The following WASF1 variants were observed in gnomAD, a reference collection of about 807,000 sequenced individuals.
The protein encoded by WASF1 is WASP family member 1, also known as actin-binding protein WASF1.
A neutral mutation model predicts 50.5 loss-of-function variants in WASF1; 7 were observed. That is an observed-to-expected ratio of 0.14 (90% CI 0.08 to 0.26). The LOEUF (loss-of-function observed/expected upper bound fraction) is 0.26. Among genes scored for constraint, WASF1 ranks in the 10% least tolerant of loss-of-function variants. WASF1 has a pLI of 1.00. For missense variants in WASF1, 470 were observed against 694.7 expected (o/e 0.68, Z 3.64); for synonymous variants, 205 against 244.0 (o/e 0.84, Z 1.49).
At chr6:110,105,603 A>T in intron 7 of WASF1, 24 bp from the exon 8 acceptor site, 1 of 1,605,698 alleles carries the variant, frequency 6.2e-7, no homozygotes, top group East Asian at 2.2e-5. Context: ...ATTGAAACAA[A>T]GTCAAATGCT....
intron 3 of WASF1, among the ~76,000 whole-genome samples, chr6:110,132,551 A>C (rs1774729448): frequency 1.3e-5 from 2 of 151,758 alleles, no homozygotes; most frequent in South Asian, 4.2e-4. Context: ...ATTTTATTTT[A>C]ATAAGTTTCT....
rs149849800 is a variant in WASF1, at chr6:110,135,225, C to T, written c.-28-7596G>A. Among the ~76,000 whole-genome samples the T allele has an allele frequency of 8.5e-3, 1,292 of 152,178 alleles. 9 individuals carry two copies. Among genetic ancestry groups the T allele is most frequent in the Admixed American group, 0.012 (184 of 15,298 alleles). On this transcript the variant is annotated intron_variant, in intron 3 of 10. Coordinates refer to ENST00000392589, the MANE Select transcript of WASF1 (RefSeq NM_003931.3). ...TTATTTGTGTATATTAATTTTGTATCCTGAAACTTTACTGAATTCATTTAT... is the reference window on the plus strand; with the variant it reads ...TTATTTGTGTATATTAATTTTGTATTCTGAAACTTTACTGAATTCATTTAT...
At chr6:110,152,778 G>A (rs1442183337) in intron 3 of WASF1, among the ~76,000 whole-genome samples, 3 of 152,216 alleles carry the variant, frequency 2.0e-5, no homozygotes, top group Non-Finnish European at 2.9e-5. Flanking sequence ...TCGTTAAGCA[G>A]TGATAGAAAA....
intron 5 of WASF1, among the ~76,000 whole-genome samples, chr6:110,111,330 T>G (rs1469570481): frequency 6.6e-6 from 1 of 152,138 alleles, no homozygotes; most frequent in Admixed American, 6.6e-5. Flanking sequence ...GAGGTGTAAT[T>G]AATGTATTGA....
chr6:110,145,988 G>T (rs1311170008), intron 3 of WASF1, among the ~76,000 whole-genome samples: 11 of 132,414 alleles, frequency 8.3e-5, no homozygotes, highest in Non-Finnish European at 1.6e-4. Context: ...GTTGTGGGGT[G>T]GGGGGAGGGG....
intron 4 of WASF1, among the ~76,000 whole-genome samples, chr6:110,124,195 C>CAG (rs1774264522): frequency 9.0e-6 from 1 of 110,946 alleles, no homozygotes; most frequent in African/African-American, 4.0e-5. Context: ...ATCAGCGTCT[C>CAG]TCTCTCTCTC....
intron 2 of WASF1, among the ~76,000 whole-genome samples, chr6:110,176,707 T>C (rs1220175350): frequency 1.3e-5 from 2 of 152,098 alleles, no homozygotes; most frequent in Non-Finnish European, 2.9e-5. Flanking sequence ...TTTATGACAA[T>C]AAGCTGCAGG....
At chr6:110,114,824 A>C (rs911609729) in intron 4 of WASF1, among the ~76,000 whole-genome samples, 18 of 151,868 alleles carry the variant, frequency 1.2e-4, no homozygotes, top group Middle Eastern at 6.8e-3. Flanking sequence ...TTGGCCAGGC[A>C]TGACAGTCTG....
intron 3 of WASF1, among the ~76,000 whole-genome samples, chr6:110,128,214 T>A (rs2114518194): frequency 6.6e-6 from 1 of 152,296 alleles, no homozygotes; most frequent in South Asian, 2.1e-4. Context: ...TACTAGAATA[T>A]CAACATTATA....
intron 3 of WASF1, among the ~76,000 whole-genome samples, chr6:110,127,993 C>CT (rs1186413773): frequency 6.6e-6 from 1 of 151,920 alleles, no homozygotes; most frequent in Admixed American, 6.6e-5. Context: ...TTAAACAACA[C>CT]TTTATGTTCT....
intron 7 of WASF1, 70 bp from the exon 8 acceptor site, chr6:110,105,649 C>T: frequency 7.1e-7 from 1 of 1,417,248 alleles, no homozygotes; most frequent in Non-Finnish European, 9.7e-7. Flanking sequence ...TTATAACAAT[C>T]AAATTAAACT....
intron 2 of WASF1, among the ~76,000 whole-genome samples, chr6:110,178,052 T>C (rs1777010192): frequency 6.6e-6 from 1 of 150,756 alleles, no homozygotes; most frequent in South Asian, 2.1e-4. Context: ...AAACAAGTAA[T>C]TAAATACATG....
intron 3 of WASF1, among the ~76,000 whole-genome samples, chr6:110,159,548 T>C (rs1317564020): frequency 2.0e-5 from 3 of 151,886 alleles, no homozygotes; most frequent in Non-Finnish European, 2.9e-5. Context: ...ACGGTACCTG[T>C]TGGAGCCTAA....
At chr6:110,114,508 T>C (rs1312991341) in intron 4 of WASF1, among the ~76,000 whole-genome samples, 1 of 152,170 alleles carries the variant, frequency 6.6e-6, no homozygotes, top group African/African-American at 2.4e-5. Flanking sequence ...TTTAATCTTG[T>C]ATCAAAATGC....
chr6:110,173,933 T>G (rs1186638823), intron 2 of WASF1, among the ~76,000 whole-genome samples: 2 of 152,196 alleles, frequency 1.3e-5, no homozygotes, highest in Non-Finnish European at 2.9e-5. Flanking sequence ...GAATTGTGAT[T>G]GGTATCTCTG....
chr6:110,102,552 A>C (rs1276867313), intron 9 of WASF1, among the ~76,000 whole-genome samples: 1 of 152,190 alleles, frequency 6.6e-6, no homozygotes, highest in East Asian at 1.9e-4. Flanking sequence ...ATGACTCAAC[A>C]TTGATCATAA....
chr6:110,177,723 C>T (rs1398951058), intron 2 of WASF1, among the ~76,000 whole-genome samples: 1 of 152,014 alleles, frequency 6.6e-6, no homozygotes, highest in Non-Finnish European at 1.5e-5. Context: ...TTCCAAGTGC[C>T]ATAAAACAAT....
chr6:110,133,728 ATT>A (rs138543351), intron 3 of WASF1, among the ~76,000 whole-genome samples: 1 of 150,064 alleles, frequency 6.7e-6, no homozygotes, highest in Non-Finnish European at 1.5e-5. Flanking sequence ...TTCTGATGGG[ATT>A]TTTTTTTCTG....
At chr6:110,168,126 C>A (rs749952079) in intron 2 of WASF1, among the ~76,000 whole-genome samples, 1 of 151,892 alleles carries the variant, frequency 6.6e-6, no homozygotes, top group Non-Finnish European at 1.5e-5. Flanking sequence ...ACTATTTTCA[C>A]CACACTTTCT....
Sources: gnomAD v4.1 joint callset for allele counts (sites outside exome capture counted in the v4.1 genomes callset) on GRCh38, gnomAD v4.1.1 for gene constraint, MANE v1.5 for transcripts, NCBI Gene and HGNC (gene_info 2026-07-23, HGNC 2026-07-21) for gene names.